The following ADSL variants were observed in gnomAD, a reference collection of about 807,000 sequenced individuals.
ADSL encodes adenylosuccinate lyase.
Under a neutral mutation model 62.1 loss-of-function variants are expected in ADSL, and 44 were observed. The observed-to-expected ratio is 0.71, with a 90% CI of 0.56 to 0.91. The LOEUF is 0.91. Ranked by LOEUF, ADSL falls within the 40% of genes least tolerant of loss-of-function variation. ADSL has a pLI of 0.00. For synonymous variants in ADSL, 198 were observed against 220.5 expected (o/e 0.90, Z 0.90); for missense variants, 531 against 627.4 (o/e 0.85, Z 1.64).
chr22:40,378,334 G>A (rs1029464198), intron 2 of ADSL: 4 of 152,262 alleles, frequency 2.6e-5, no homozygotes, highest in African/African-American at 7.2e-5. Flanking sequence ...TTGGGAGACT[G>A]GGGTGAGAGG....
downstream of ADSL, among the ~76,000 whole-genome samples, chr22:40,370,921 G>C (rs1601617438): frequency 6.6e-6 from 1 of 152,196 alleles, no homozygotes; most frequent in Non-Finnish European, 1.5e-5. Context: ...TGCGTCCTCC[G>C]GTGCGGCCGC....
chr22:40,347,481 A>C (rs2044186206), intron 1 of ADSL: 1 of 152,252 alleles, frequency 6.6e-6, no homozygotes, highest in African/African-American at 2.4e-5. Flanking sequence ...GAGAGCGATA[A>C]TGTTTCTCCT....
downstream of ADSL, among the ~76,000 whole-genome samples, chr22:40,369,543 G>A (rs1025433000): frequency 6.7e-6 from 1 of 148,398 alleles, no homozygotes; most frequent in African/African-American, 2.5e-5. Flanking sequence ...TTGCTCTGTC[G>A]CCCAAGCTGG....
In ADSL at chr22:40,349,943, A is replaced by G. The variant is rs897772935; in HGVS notation, c.265A>G (p.Met89Val). The G allele has an allele frequency of 1.9e-6, 3 of 1,614,064 alleles. No individual in the cohort carries two copies. The African/African-American group carries it at 4.0e-5, about 22-fold the overall frequency. The part of the protein sequence containing the change: ...EEEKRLRHDV[M>V]AHVHTFGHCC... ...AGAGAAACGTTTACGACATGATGTG[A>G]TGGCTCACGTGCACACATTTGGCCA... The change falls in exon 2 of 13, where the codon ATG becomes GTG. Residue 89 changes from methionine (M) to valine (V), a missense_variant. Met to Val is a conservative substitution (Grantham distance 21). Around this residue, in one of 2 missense-constraint regions of ADSL, gnomAD observed 471 missense variants for 592.9 expected, o/e 0.79. Coordinates refer to ENST00000623063, the MANE Select transcript of ADSL (RefSeq NM_000026.4).
intron 9 of ADSL, 180 bp downstream of exon 9, chr22:40,361,815 T>A: frequency 1.2e-6 from 1 of 807,044 alleles, no homozygotes; most frequent in Non-Finnish European, 2.0e-6. Context: ...TTGGAGTGTG[T>A]ACTGGGTACT....
chr22:40,380,205 AT>A (rs1235442371), intron 2 of ADSL, among the ~76,000 whole-genome samples: 6 of 151,974 alleles, frequency 3.9e-5, no homozygotes, highest in Non-Finnish European at 5.9e-5. Flanking sequence ...GACTATTAAC[AT>A]TTTTTTAATG....
downstream of ADSL, among the ~76,000 whole-genome samples, chr22:40,371,870 T>A (rs2146706082): frequency 6.6e-6 from 1 of 151,172 alleles, no homozygotes; most frequent in South Asian, 2.1e-4. Context: ...CTAATTTGTG[T>A]ATTTTTAATA....
At chr22:40,371,019 CG>C (rs1340401424), downstream of ADSL, among the ~76,000 whole-genome samples, 3 of 152,332 alleles carry the variant, frequency 2.0e-5, no homozygotes, top group East Asian at 5.8e-4. Flanking sequence ...ACGAAAACCG[CG>C]CCTGAGGCGG....
chr22:40,371,244 A>G (rs1358450289), downstream of ADSL, among the ~76,000 whole-genome samples: 2 of 152,350 alleles, frequency 1.3e-5, no homozygotes, highest in Middle Eastern at 3.4e-3. Context: ...TGTGGTTAGG[A>G]CTGGAATTTT....
chr22:40,370,118 TC>T (rs2045163159), downstream of ADSL, among the ~76,000 whole-genome samples: 2 of 152,218 alleles, frequency 1.3e-5, no homozygotes, highest in East Asian at 1.9e-4. Context: ...AGCGGGCAGA[TC>T]ATCTGAGGTC....
downstream of ADSL, among the ~76,000 whole-genome samples, chr22:40,371,458 T>C (rs2045462002): frequency 6.6e-6 from 1 of 152,212 alleles, no homozygotes; most frequent in African/African-American, 2.4e-5. Flanking sequence ...CCTTTCTTAT[T>C]CTTTCTTAGT....
At position 40,364,891 on chromosome 22, in the gene ADSL, G is replaced by A; in HGVS notation, c.1203G>A (p.Glu401=). The A allele has an allele frequency of 1.9e-6, 3 of 1,614,242 alleles. No homozygotes were observed. Among genetic ancestry groups the A allele is most frequent in the Non-Finnish European group, 2.5e-6 (3 of 1,180,042 alleles). ...KAGGSRQDCH[E]KIRVLSQQAA... ...CACTGTCTTCCCAGGATTGCCATGA[G>A]AAAATCAGAGTGCTTTCTCAGCAGG... The change falls in exon 12 of 13, where the codon GAG becomes GAA. Residue 401 remains glutamate, a synonymous_variant. Coordinates refer to ENST00000623063, the MANE Select transcript of ADSL (RefSeq NM_000026.4).
chr22:40,364,370 G>A lies in ADSL; in HGVS notation c.1191+5G>A, dbSNP rs773404017. 6.2e-7 allele frequency: 1 copy of A among 1,613,304 alleles called. No individual in the cohort carries two copies. Among genetic ancestry groups the A allele is most frequent in the South Asian group, 1.1e-5 (1 of 90,926 alleles). ...AAAGCTGGAGGTAGCCGCCAGGTTT[G>A]TAACCCCTCATGTTCCTGGATAAGT... On this transcript the variant is annotated splice_donor_5th_base_variant and intron_variant, in intron 11 of 12. Coordinates refer to ENST00000623063, the MANE Select transcript of ADSL (RefSeq NM_000026.4).
chr22:40,356,059 G>A (rs1365257355), intron 4 of ADSL, among the ~76,000 whole-genome samples: 1 of 150,898 alleles, frequency 6.6e-6, no homozygotes, highest in Non-Finnish European at 1.5e-5. Flanking sequence ...AAAATTAGCC[G>A]GACGCAGTGG....
At chr22:40,385,842 G>A (rs1036249564) in intron 2 of ADSL, among the ~76,000 whole-genome samples, 2 of 152,002 alleles carry the variant, frequency 1.3e-5, no homozygotes, top group African/African-American at 4.8e-5. Flanking sequence ...AGCAGAAAGA[G>A]CAGAGGAACA....
At position 40,361,542 on chromosome 22, in the gene ADSL, G is replaced by C; in HGVS notation, c.917G>C (p.Ser306Thr). Residue 306 changes from serine (S) to threonine (T), a missense_variant, in exon 9 of 13, where the codon AGT becomes ACT. Ser to Thr is a moderately conservative substitution (Grantham distance 58). This residue lies in a region of ADSL where 471 missense variants were observed against 592.9 expected (regional missense o/e 0.79). Transcript: ENST00000623063. ...CCCATGCGTTCAGAACGTTGCTGCAGTCTTGCCCGCCACCTGATGACCCTT... is the reference window on the plus strand; with the variant it reads ...CCCATGCGTTCAGAACGTTGCTGCACTCTTGCCCGCCACCTGATGACCCTT... ...RNPMRSERCCSLARHLMTLVM... is the reference protein window; with the variant it reads ...RNPMRSERCCTLARHLMTLVM... The C allele has an allele frequency of 1.2e-6, 2 of 1,614,212 alleles. No homozygotes were observed. Among genetic ancestry groups the C allele is most frequent in the Non-Finnish European group, 1.7e-6 (2 of 1,180,040 alleles).
downstream of ADSL, among the ~76,000 whole-genome samples, chr22:40,371,424 A>G (rs906159572): frequency 1.3e-5 from 2 of 152,172 alleles, no homozygotes; most frequent in African/African-American, 4.8e-5. Context: ...GCGGTGGGAT[A>G]GAGATGTCCT....
At chr22:40,386,887 T>C (rs943804327) in intron 2 of ADSL, among the ~76,000 whole-genome samples, 2 of 152,206 alleles carry the variant, frequency 1.3e-5, no homozygotes, top group African/African-American at 4.8e-5. Flanking sequence ...TTTGCTCTTA[T>C]GAGAATTCTC....
chr22:40,370,896 G>A (rs2045300433), downstream of ADSL, among the ~76,000 whole-genome samples: 1 of 152,224 alleles, frequency 6.6e-6, no homozygotes, highest in Non-Finnish European at 1.5e-5. Context: ...GACGCGGCGG[G>A]GCGGGGAGGT....
Sources: allele counts gnomAD v4.1 joint callset (sites outside exome capture counted in the v4.1 genomes callset), GRCh38; gene constraint gnomAD v4.1.1; regional missense constraint gnomAD v4.1.1; transcripts MANE v1.5; gene names NCBI Gene and HGNC (gene_info 2026-07-23, HGNC 2026-07-21).